The following CEP57L1 variants were observed in gnomAD, a reference collection of about 807,000 sequenced individuals.
CEP57L1 encodes the protein centrosomal protein 57 like 1, also known as centrosomal protein CEP57L1.
A neutral mutation model predicts 61.0 loss-of-function variants in CEP57L1; 37 were observed. The observed-to-expected ratio is 0.61, with a 90% CI of 0.47 to 0.80. The LOEUF (loss-of-function observed/expected upper bound fraction) is 0.80. Ranked by LOEUF, CEP57L1 falls within the 30% of genes least tolerant of loss-of-function variation. The pLI is 0.00. For synonymous variants in CEP57L1, 137 were observed against 162.3 expected (o/e 0.84, Z 1.19); for missense variants, 422 against 524.7 (o/e 0.80, Z 1.91).
rs1439149882 is a variant in CEP57L1 at position 109,167,653 on chromosome 6, G to A, written c.*4683G>A. ...GATTGTGCCACTGCACTCCAGCCTG[G>A]GCAACAGAGCAAGACTCTGCCTCAA... is the stretch of plus-strand genomic sequence containing the variant. On this transcript the variant is annotated 3_prime_UTR_variant, in exon 11 of 11. Transcript: ENST00000517392. Among the ~76,000 whole-genome samples, 1 of 151,560 alleles carries A rather than the reference G, an allele frequency of 6.6e-6. No homozygotes were observed. Among genetic ancestry groups the A allele is most frequent in the African/African-American group, 2.4e-5 (1 of 41,078 alleles).
intron 3 of CEP57L1, among the ~76,000 whole-genome samples, 181 bp downstream of exon 3, chr6:109,147,118 C>G (rs1343204791): frequency 6.6e-6 from 1 of 152,002 alleles, no homozygotes; most frequent in Non-Finnish European, 1.5e-5. Flanking sequence ...GAACTTACCT[C>G]TATCATATCT....
chr6:109,141,974 C>T (rs1771432700), intron 1 of CEP57L1, among the ~76,000 whole-genome samples: 1 of 152,132 alleles, frequency 6.6e-6, no homozygotes, highest in South Asian at 2.1e-4. Context: ...CTGACTGCCC[C>T]CTAATGTCGT....
At position 109,173,890 on chromosome 6, in the gene CEP57L1, G is replaced by T. The variant is rs1774519070; in HGVS notation, c.*10920G>T. 6.6e-6 allele frequency among the ~76,000 whole-genome samples: 1 copy of T among 151,540 alleles called. No homozygotes were observed. The highest frequency in any genetic ancestry group is 6.6e-5 in the Admixed American group (1 of 15,192). On this transcript the variant is annotated 3_prime_UTR_variant, in exon 11 of 11. Coordinates refer to ENST00000517392, the MANE Select transcript of CEP57L1 (RefSeq NM_001271852.3). ...AAGGAAGGTGGATCACTTGAGGTCA[G>T]GAGTTTGAGACCAGCCTCCAACATG... is the stretch of plus-strand genomic sequence containing the variant.
At chr6:109,134,425 A>G (rs1439107385) in intron 1 of CEP57L1, among the ~76,000 whole-genome samples, 1 of 152,190 alleles carries the variant, frequency 6.6e-6, no homozygotes, top group Admixed American at 6.5e-5. Flanking sequence ...AAATAATAAG[A>G]GCTATTTATG....
chr6:109,135,941 A>G (rs921694157), intron 1 of CEP57L1, among the ~76,000 whole-genome samples: 6 of 152,212 alleles, frequency 3.9e-5, no homozygotes, highest in Non-Finnish European at 7.3e-5. Flanking sequence ...ATGTGGAGAA[A>G]TAGAAACACT....
intron 3 of CEP57L1, among the ~76,000 whole-genome samples, chr6:109,147,746 C>G (rs1772125034): frequency 6.6e-6 from 1 of 152,158 alleles, no homozygotes; most frequent in South Asian, 2.1e-4. Flanking sequence ...GATGCATATA[C>G]TTGAGTTTCC....
In CEP57L1 at chr6:109,163,006, C is replaced by T. The variant is rs1304427810; in HGVS notation, c.*36C>T. ...AAACTGTCACCTTAATGAACTTTGT[C>T]AGTGAGACCTTGAATTGTCTAAAGT... On this transcript the variant is annotated 3_prime_UTR_variant, in exon 11 of 11. Transcript: ENST00000517392. 5 of 1,313,778 alleles carry T rather than the reference C, an allele frequency of 3.8e-6. No individual in the cohort carries two copies. The highest frequency in any genetic ancestry group is 5.5e-6 in the Non-Finnish European group (5 of 913,338). 81.4% of individuals were successfully genotyped at this position (1,313,778 alleles called of 1,614,324 possible).
In CEP57L1 at chr6:109,159,254, CA is replaced by C. The variant is rs1257183718; in HGVS notation, c.823-11del. ...AAGCTGTTCTGTGAATGCAAGTATG[CA>C]AAACTTTTTGCAGATGAGGCAACAT... is the stretch of plus-strand genomic sequence containing the variant. On this transcript the variant is annotated splice_polypyrimidine_tract_variant and intron_variant, in intron 8 of 10. Coordinates refer to ENST00000517392, the MANE Select transcript of CEP57L1 (RefSeq NM_001271852.3). 10 of 1,613,940 alleles carry C rather than the reference CA, an allele frequency of 6.2e-6. No homozygotes were observed. In the Admixed American group the frequency reaches 1.3e-4, roughly 22 times the overall value.
At chr6:109,128,956 T>C (rs1773871488) in intron 1 of CEP57L1, among the ~76,000 whole-genome samples, 2 of 152,250 alleles carry the variant, frequency 1.3e-5, no homozygotes, top group South Asian at 4.2e-4. Context: ...CCCAGCACTT[T>C]GGGAGGCCGA....
At chr6:109,158,962 T>C in intron 7 of CEP57L1, 63 bp from the exon 8 acceptor site, 1 of 1,512,172 alleles carries the variant, frequency 6.6e-7, no homozygotes. Context: ...TTGAGAGTTC[T>C]TCATATCGTA....
At chr6:109,108,167 G>A (rs1771150972) in intron 1 of CEP57L1, among the ~76,000 whole-genome samples, 1 of 151,814 alleles carries the variant, frequency 6.6e-6, no homozygotes, top group Non-Finnish European at 1.5e-5. Flanking sequence ...CCACCAGTAA[G>A]CAGTAGTGTT....
At chr6:109,125,615 C>A (rs1454053445) in intron 1 of CEP57L1, among the ~76,000 whole-genome samples, 1 of 150,814 alleles carries the variant, frequency 6.6e-6, no homozygotes, top group African/African-American at 2.4e-5. Flanking sequence ...TGGCACACAC[C>A]TGCTGCTACT....
At position 109,163,329 on chromosome 6, in the gene CEP57L1, G is replaced by A. The variant is rs1472836640; in HGVS notation, c.*359G>A. 6.0e-6 allele frequency: 1 copy of A among 166,918 alleles called. No homozygotes were observed. The highest frequency in any genetic ancestry group is 2.4e-5 in the African/African-American group (1 of 41,618). The allele number at this position is 166,918 out of a possible 1,614,324, so 10.3% of individuals were successfully genotyped here. The stretch of plus-strand genomic sequence containing the variant: ...ATTCATTCCACTTTTCATTTAGTAG[G>A]TTTGGAACCTTAAAAACCAATGTTC... On this transcript the variant is annotated 3_prime_UTR_variant, in exon 11 of 11. Transcript: ENST00000517392.
At chr6:109,105,728 G>A (rs372999143) in intron 1 of CEP57L1, among the ~76,000 whole-genome samples, 2 of 152,104 alleles carry the variant, frequency 1.3e-5, no homozygotes, top group Admixed American at 6.6e-5. Context: ...ACATTTTCTA[G>A]ATAGATTATC....
intron 1 of CEP57L1, among the ~76,000 whole-genome samples, chr6:109,122,905 C>T (rs1455585100): frequency 6.6e-6 from 1 of 152,152 alleles, no homozygotes; most frequent in Non-Finnish European, 1.5e-5. Flanking sequence ...TTCTAATAAA[C>T]TCAATGTCAT....
chr6:109,149,687 T>C (rs1227681805), intron 3 of CEP57L1, among the ~76,000 whole-genome samples: 2 of 152,192 alleles, frequency 1.3e-5, no homozygotes, highest in African/African-American at 4.8e-5. Flanking sequence ...GGGATGGCAT[T>C]GAATCTATAA....
Position 109,095,551 on chromosome 6 carries a change from G to GGGGCTGACTGAGAGC in CEP57L1, c.-26_-12dup. 1.0e-6 allele frequency: 1 copy of GGGGCTGACTGAGAGC among 985,876 alleles called. No individual in the cohort carries two copies. The highest frequency in any genetic ancestry group is 1.1e-4 in the East Asian group (1 of 8,812). 61.1% of individuals were successfully genotyped at this position (985,876 alleles called of 1,614,324 possible). ...CGCGAACCAACGGTTAGCGGTGGCA[G>GGGGCTGACTGAGAGC]GGGCTGACTGAGAGCGTCTGCTTGG... On this transcript the variant is annotated 5_prime_UTR_variant, in exon 1 of 11. Transcript: ENST00000517392.
At chr6:109,108,651 C>A (rs1248383117) in intron 1 of CEP57L1, among the ~76,000 whole-genome samples, 1 of 152,142 alleles carries the variant, frequency 6.6e-6, no homozygotes, top group Admixed American at 6.5e-5. Flanking sequence ...GAGACAAATT[C>A]TATTTCTTGT....
intron 1 of CEP57L1, chr6:109,129,449 C>T (rs1773940288): frequency 5.0e-6 from 3 of 602,240 alleles, no homozygotes; most frequent in Non-Finnish European, 8.3e-6. Context: ...GTAATTTCTT[C>T]CTCAGAAAGA....
Sources: gnomAD v4.1 joint callset for allele counts (sites outside exome capture counted in the v4.1 genomes callset) on GRCh38, gnomAD v4.1.1 for gene constraint, MANE v1.5 for transcripts, NCBI Gene and HGNC (gene_info 2026-07-23, HGNC 2026-07-21) for gene names.